PHACTR1: variants seen among roughly 807,000 people sequenced by gnomAD.
PHACTR1 encodes the protein RPEL repeat containing 1.
A neutral mutation model predicts 69.2 loss-of-function variants in PHACTR1; 16 were observed. The observed-to-expected ratio is 0.23, with a 90% confidence interval of 0.16 to 0.35. The LOEUF is 0.35. Ranked by LOEUF, PHACTR1 falls within the 10% of genes least tolerant of loss-of-function variation. The pLI, the probability that PHACTR1 is intolerant of heterozygous loss-of-function variation, is 1.00. For missense variants in PHACTR1, 510 were observed against 734.7 expected (o/e 0.69, Z 3.54); for synonymous variants, 312 against 284.5 (o/e 1.10, Z -0.97).
At chr6:12,929,983 T>A (rs1788692241) in intron 4 of PHACTR1, among the ~76,000 whole-genome samples, 1 of 152,198 alleles carries the variant, frequency 6.6e-6, no homozygotes, top group South Asian at 2.1e-4. Flanking sequence ...ATAAAATATT[T>A]TATCCCCTAA....
At chr6:12,780,434 C>T (rs899328346) in intron 4 of PHACTR1, among the ~76,000 whole-genome samples, 4 of 152,098 alleles carry the variant, frequency 2.6e-5, no homozygotes, top group Non-Finnish European at 5.9e-5. Context: ...AATTGTAAAT[C>T]CACTCTCCTG....
chr6:12,940,291 T>C (rs1355910171), intron 4 of PHACTR1, among the ~76,000 whole-genome samples: 2 of 152,234 alleles, frequency 1.3e-5, no homozygotes, highest in Non-Finnish European at 2.9e-5. Context: ...TTGTGAAGTC[T>C]TCTTAAAACT....
At chr6:12,885,817 G>A (rs186925594) in intron 4 of PHACTR1, among the ~76,000 whole-genome samples, 20 of 152,252 alleles carry the variant, frequency 1.3e-4, no homozygotes, top group Non-Finnish European at 2.5e-4. Flanking sequence ...CCAAGAGGCC[G>A]GACACAGTGG....
At chr6:13,030,735 G>C (rs562445359) in intron 4 of PHACTR1, among the ~76,000 whole-genome samples, 1 of 152,328 alleles carries the variant, frequency 6.6e-6, no homozygotes, top group Admixed American at 6.5e-5. Context: ...TACACCTTGA[G>C]AATACTCATT....
At chr6:12,928,955 C>T (rs953221779) in intron 4 of PHACTR1, among the ~76,000 whole-genome samples, 6 of 152,168 alleles carry the variant, frequency 3.9e-5, no homozygotes, top group African/African-American at 9.7e-5. Flanking sequence ...GTCTGAGTGT[C>T]GGAGCAAGGC....
chr6:12,742,630 C>G (rs1321824931), intron 3 of PHACTR1, among the ~76,000 whole-genome samples: 1 of 152,130 alleles, frequency 6.6e-6, no homozygotes, highest in Non-Finnish European at 1.5e-5. Flanking sequence ...TGGATTTGTT[C>G]TGGTTCAAAT....
chr6:13,187,083 A>C (rs1762913431), intron 7 of PHACTR1, among the ~76,000 whole-genome samples: 1 of 152,076 alleles, frequency 6.6e-6, no homozygotes. Flanking sequence ...CAGGAGGTGG[A>C]GCTCAGGAGG....
chr6:13,108,572 T>G (rs965719665), intron 5 of PHACTR1, among the ~76,000 whole-genome samples: 3 of 152,104 alleles, frequency 2.0e-5, no homozygotes, highest in Admixed American at 2.0e-4. Flanking sequence ...TATGTTGTCT[T>G]TAAAAATTGA....
intron 6 of PHACTR1, among the ~76,000 whole-genome samples, chr6:13,166,811 G>C (rs1759876007): frequency 6.6e-6 from 1 of 152,142 alleles, no homozygotes; most frequent in Non-Finnish European, 1.5e-5. Flanking sequence ...ACATCCTCCA[G>C]TCCCATAGTC....
Position 13,230,028 on chromosome 6 carries a change from C to A in PHACTR1, c.1235-9C>A. 1 of 1,600,964 alleles carries A rather than the reference C, an allele frequency of 6.2e-7. No individual in the cohort carries two copies. ...TAAGCCTTAATTGACTCATTTCTGT[C>A]TCCTACAGGCTCCCTGGCCATGAAG... On this transcript the variant is annotated splice_polypyrimidine_tract_variant and intron_variant, in intron 9 of 14. Coordinates refer to ENST00000332995, the MANE Select transcript of PHACTR1 (RefSeq NM_030948.6).
Position 13,024,977 on chromosome 6 carries a change from G to T in PHACTR1, c.251-28388G>T, listed in dbSNP as rs1478046204. On this transcript the variant is annotated intron_variant, in intron 4 of 14. Coordinates refer to ENST00000332995, the MANE Select transcript of PHACTR1 (RefSeq NM_030948.6). ...TTAATTTTTTTAGTTTTTCTAGAGG[G>T]CAAAAGAAGGAGAACTTATACAAAA... 2.0e-5 allele frequency among the ~76,000 whole-genome samples: 3 copies of T among 152,074 alleles called. No homozygotes were observed. The East Asian group carries it at 5.8e-4, about 29-fold the overall frequency.
At chr6:12,729,104 A>C (rs1293361646) in intron 3 of PHACTR1, among the ~76,000 whole-genome samples, 1 of 152,150 alleles carries the variant, frequency 6.6e-6, no homozygotes, top group Non-Finnish European at 1.5e-5. Flanking sequence ...TTCCCAAGAG[A>C]GACCCCCACC....
At chr6:12,871,375 G>T (rs1582202964) in intron 4 of PHACTR1, among the ~76,000 whole-genome samples, 1 of 152,210 alleles carries the variant, frequency 6.6e-6, no homozygotes, top group East Asian at 1.9e-4. Context: ...TTTACAATTG[G>T]TTTCTCATAA....
At chr6:13,067,109 C>T (rs1322534578) in intron 5 of PHACTR1, among the ~76,000 whole-genome samples, 1 of 152,238 alleles carries the variant, frequency 6.6e-6, no homozygotes, top group Non-Finnish European at 1.5e-5. Flanking sequence ...CAATGTTACA[C>T]TGATGACAAC....
chr6:13,122,097 C>T (rs1818824907), intron 5 of PHACTR1, among the ~76,000 whole-genome samples: 1 of 152,176 alleles, frequency 6.6e-6, no homozygotes, highest in Non-Finnish European at 1.5e-5. Context: ...CTGAGCCCGA[C>T]AGCCACCACT....
intron 5 of PHACTR1, among the ~76,000 whole-genome samples, chr6:13,150,554 G>T (rs1304526214): frequency 2.0e-5 from 3 of 152,092 alleles, no homozygotes; most frequent in Non-Finnish European, 4.4e-5. Context: ...ACTTTTTATT[G>T]AATATGTTTA....
At chr6:12,982,504 C>A (rs1382961636) in intron 4 of PHACTR1, among the ~76,000 whole-genome samples, 1 of 152,148 alleles carries the variant, frequency 6.6e-6, no homozygotes, top group African/African-American at 2.4e-5. Flanking sequence ...CATGGTCAAA[C>A]CCCATCTCTA....
In PHACTR1 at chr6:13,283,726, A is replaced by T; in HGVS notation, c.1650+164A>T. 3 of 1,009,088 alleles carry T rather than the reference A, an allele frequency of 3.0e-6. No individual in the cohort carries two copies. The highest frequency in any genetic ancestry group is 4.4e-6 in the Non-Finnish European group (3 of 682,046). The allele number at this position is 1,009,088 out of a possible 1,614,324, so 62.5% of individuals were successfully genotyped here. A position where few individuals can be genotyped will look rare whatever the true frequency, so the allele number is the denominator to read the frequency against. ...CACCTTTCCCCAGGGGCCACAGATA[A>T]TCTGCGGAAAGGCTGCTGAATCGGA... is the stretch of plus-strand genomic sequence containing the variant. On this transcript the variant is annotated intron_variant, in intron 13 of 14. Transcript: ENST00000332995. This position sits in a 1 kb window ranked among gnomAD's most constrained non-coding sequence, Gnocchi z 4.7.
intron 4 of PHACTR1, among the ~76,000 whole-genome samples, chr6:12,768,744 G>A (rs1394412678): frequency 6.7e-6 from 1 of 148,968 alleles, no homozygotes; most frequent in Non-Finnish European, 1.5e-5. Context: ...ATTTTTAAAG[G>A]AACCTCCATA....
Sources: allele counts gnomAD v4.1 joint callset (sites outside exome capture counted in the v4.1 genomes callset), GRCh38; gene constraint gnomAD v4.1.1; non-coding constraint Gnocchi (gnomAD v3.1); transcripts MANE v1.5; gene names NCBI Gene and HGNC (gene_info 2026-07-23, HGNC 2026-07-21).